Variants in TXNRD2 observed in about 807,000 individuals in gnomAD.
The protein encoded by TXNRD2 is thioredoxin reductase 2, mitochondrial.
A neutral mutation model predicts 70.8 loss-of-function variants in TXNRD2; 67 were observed. That is an observed-to-expected ratio of 0.95 (90% CI 0.78 to 1.16). The LOEUF (loss-of-function observed/expected upper bound fraction) is 1.16, where lower values mean the gene tolerates loss of function less well. TXNRD2 is among the 50% of genes most tolerant of loss of function. The pLI is 0.00. For synonymous variants in TXNRD2, 301 were observed against 295.8 expected, an observed-to-expected ratio of 1.02 and a Z score of -0.18; for missense variants, 644 against 719.9, an observed-to-expected ratio of 0.89 and a Z score of 1.21.
intron 17 of TXNRD2, chr22:19,876,737 A>C: frequency 5.7e-6 from 1 of 176,226 alleles, no homozygotes. Context: ...CACCCGGGAC[A>C]CCTTCCACGC....
intron 11 of TXNRD2, among the ~76,000 whole-genome samples, chr22:19,891,254 C>A (rs1418156238): frequency 6.6e-6 from 1 of 152,210 alleles, no homozygotes; most frequent in Non-Finnish European, 1.5e-5. Flanking sequence ...GACCTGTGGC[C>A]ACCCTCCCTG....
At chr22:19,886,416 C>T (rs1659674371) in intron 11 of TXNRD2, among the ~76,000 whole-genome samples, 1 of 152,246 alleles carries the variant, frequency 6.6e-6, no homozygotes, top group Admixed American at 6.5e-5. Context: ...GCGTCCTAGG[C>T]CCTACTGGCT....
chr22:19,919,540 T>C lies in TXNRD2; in HGVS notation c.229+3A>G. On this transcript the variant is annotated splice_donor_region_variant and intron_variant, in intron 3 of 17. Coordinates refer to ENST00000400521, the MANE Select transcript of TXNRD2 (RefSeq NM_006440.5). The stretch of plus-strand genomic sequence containing the variant: ...CACCCGGCTCCCATAGGGTGCTGCC[T>C]ACCTTGGGGAGAAGGTTCCACGTAG... 6.4e-7 allele frequency: 1 copy of C among 1,558,710 alleles called. No individual in the cohort carries two copies. The highest frequency in any genetic ancestry group is 8.7e-7 in the Non-Finnish European group (1 of 1,151,704).
chr22:19,899,523 A>G (rs1939676616), intron 8 of TXNRD2, among the ~76,000 whole-genome samples: 1 of 152,244 alleles, frequency 6.6e-6, no homozygotes, highest in African/African-American at 2.4e-5. Flanking sequence ...CCAGAGGCAC[A>G]TCCAACCCTA....
At chr22:19,938,692 T>A (rs890309542) in intron 1 of TXNRD2, among the ~76,000 whole-genome samples, 3 of 152,100 alleles carry the variant, frequency 2.0e-5, no homozygotes, top group Non-Finnish European at 2.9e-5. Context: ...GGGGCAGAGA[T>A]TTGCTGGCAC....
intron 8 of TXNRD2, among the ~76,000 whole-genome samples, chr22:19,899,583 G>T (rs1939679947): frequency 6.6e-6 from 1 of 152,258 alleles, no homozygotes; most frequent in Non-Finnish European, 1.5e-5. Context: ...AGAGGGGACT[G>T]AAGGACCCCA....
At chr22:19,890,636 A>G (rs1402176109) in intron 11 of TXNRD2, among the ~76,000 whole-genome samples, 2 of 152,158 alleles carry the variant, frequency 1.3e-5, no homozygotes, top group African/African-American at 4.8e-5. Context: ...ACACCAGCAC[A>G]GAGGGCATCC....
chr22:19,912,093 C>T (rs1940437912), intron 7 of TXNRD2, among the ~76,000 whole-genome samples: 1 of 152,096 alleles, frequency 6.6e-6, no homozygotes, highest in South Asian at 2.1e-4. Flanking sequence ...GAGGGCTGGC[C>T]CGGGTGGGCT....
At chr22:19,921,414 C>CAA (rs34252435) in intron 2 of TXNRD2, among the ~76,000 whole-genome samples, 2,406 of 75,338 alleles carry the variant, frequency 0.032, 63 homozygotes, top group Middle Eastern at 0.06. Context: ...GACCCTGTCT[C>CAA]AAAAAAAAAA....
chr22:19,878,115 T>G lies in TXNRD2; in HGVS notation c.1420A>C (p.Thr474Pro). ...TTGATCCCCAGAGCAAATCCTTGAG[T>G]AACTTCGCCTGCGTTGGGGCCAAGG... ...HFLGPNAGEV[T>P]QGFALGIKCG... The change falls in exon 16 of 18, where the codon ACT becomes CCT. Residue 474 changes from threonine to proline, a missense_variant. Coordinates refer to ENST00000400521, the MANE Select transcript of TXNRD2 (RefSeq NM_006440.5). The G allele has an allele frequency of 6.2e-7, 1 of 1,613,490 alleles. No individual in the cohort carries two copies. The highest frequency in any genetic ancestry group is 1.3e-5 in the African/African-American group (1 of 75,040).
In TXNRD2 at chr22:19,941,810, G is replaced by A; in HGVS notation, c.-7C>T. The A allele has an allele frequency of 1.3e-6, 2 of 1,530,230 alleles. No homozygotes were observed. The highest frequency in any genetic ancestry group is 1.7e-6 in the Non-Finnish European group (2 of 1,149,462). 94.8% of individuals were successfully genotyped at this position (1,530,230 alleles called of 1,614,324 possible). A position where few individuals can be genotyped will look rare whatever the true frequency, so the allele number is the denominator to read the frequency against. On this transcript the variant is annotated 5_prime_UTR_variant, in exon 1 of 18. Transcript: ENST00000400521. Reference sequence around the variant, plus strand: ...CCACCGCCATTGCCGCCATCGTCGTGGGGCTTCTGGGGCAGCTAGGGCTGC... The same window carrying A: ...CCACCGCCATTGCCGCCATCGTCGTAGGGCTTCTGGGGCAGCTAGGGCTGC...
intron 2 of TXNRD2, among the ~76,000 whole-genome samples, chr22:19,920,845 G>A (rs1487191453): frequency 3.3e-5 from 5 of 152,246 alleles, no homozygotes; most frequent in African/African-American, 9.6e-5. Context: ...GCTCATGCCT[G>A]TAATCCCAGC....
chr22:19,895,655 C>G (rs983914959), intron 10 of TXNRD2, 74 bp from the exon 11 acceptor site: 1 of 1,565,170 alleles, frequency 6.4e-7, no homozygotes, highest in Non-Finnish European at 8.7e-7. Flanking sequence ...GCCCTGCTCT[C>G]GAAGGCCTCA....
At position 19,895,459 on chromosome 22, in the gene TXNRD2, G is replaced by A; in HGVS notation, c.897C>T (p.Ser299=). The change falls in exon 11 of 18, where the codon AGC becomes AGT. Residue 299 remains serine, a synonymous_variant. Coordinates refer to ENST00000400521, the MANE Select transcript of TXNRD2 (RefSeq NM_006440.5). Reference sequence around the variant, plus strand: ...TGCCCGTGTCCTCCTTGCCGGTGGTGCTGTCCTCCCAGGTGACCTGCAGCT... The same window carrying A: ...TGCCCGTGTCCTCCTTGCCGGTGGTACTGTCCTCCCAGGTGACCTGCAGCT... ...DGQLQVTWED[S]TTGKEDTGTF... 2 of 1,613,922 alleles carry A rather than the reference G, an allele frequency of 1.2e-6. No individual in the cohort carries two copies. The highest frequency in any genetic ancestry group is 1.7e-6 in the Non-Finnish European group (2 of 1,179,998).
chr22:19,926,562 G>C (rs1388623430), intron 2 of TXNRD2, among the ~76,000 whole-genome samples: 1 of 149,816 alleles, frequency 6.7e-6, no homozygotes, highest in African/African-American at 2.5e-5. Context: ...TGGAACACTT[G>C]AGAGGTCAAG....
chr22:19,934,964 T>C (rs139036179), intron 1 of TXNRD2, among the ~76,000 whole-genome samples: 2,438 of 152,306 alleles, frequency 0.016, 27 homozygotes, highest in Admixed American at 0.022. Flanking sequence ...ACTGTGATAA[T>C]TGTGTTAACT....
chr22:19,936,340 AC>A (rs1941538647), intron 1 of TXNRD2, among the ~76,000 whole-genome samples: 1 of 151,856 alleles, frequency 6.6e-6, no homozygotes, highest in South Asian at 2.1e-4. Context: ...ACCTGACGAT[AC>A]TGAGGATTCA....
chr22:19,902,908 G>C (rs5748464), intron 8 of TXNRD2: 1 of 517,622 alleles, frequency 1.9e-6, no homozygotes, highest in African/African-American at 1.9e-5. Context: ...TTGTGCTTAG[G>C]AAGAGAGAAA....
intron 15 of TXNRD2, 63 bp from the exon 16 acceptor site, chr22:19,878,250 C>T (rs1938599490): frequency 5.0e-6 from 8 of 1,593,544 alleles, no homozygotes; most frequent in East Asian, 2.2e-5. Context: ...ACCCTGCATC[C>T]ACCCTGCACC....
Sources: allele counts gnomAD v4.1 joint callset (sites outside exome capture counted in the v4.1 genomes callset), GRCh38; gene constraint gnomAD v4.1.1; transcripts MANE v1.5; gene names NCBI Gene and HGNC (gene_info 2026-07-23, HGNC 2026-07-21).